Variants in AOPEP observed in about 807,000 individuals in gnomAD.
AOPEP encodes aminopeptidase O.
AOPEP carries 77 observed loss-of-function variants against 98.1 expected under a neutral mutation model. The ratio of observed to expected loss-of-function variants is 0.78; its 90% CI spans 0.65 to 0.95. The LOEUF (loss-of-function observed/expected upper bound fraction) is 0.95. Ranked by LOEUF, AOPEP falls within the 40% of genes least tolerant of loss-of-function variation. The pLI is 0.00. For synonymous variants in AOPEP, 346 were observed against 365.3 expected, an observed-to-expected ratio of 0.95 and a Z score of 0.60; for missense variants, 1,024 against 1,024.7, an observed-to-expected ratio of 1.00 and a Z score of 0.01.
intron 5 of AOPEP, chr9:94,810,014 G>C (rs1850134107): frequency 1.9e-5 from 3 of 155,970 alleles, no homozygotes; most frequent in Admixed American, 1.3e-4. Context: ...GTGTGGACTG[G>C]TATCACCCAG....
At chr9:95,009,256 G>T (rs1172687236) in intron 13 of AOPEP, among the ~76,000 whole-genome samples, 12 of 150,398 alleles carry the variant, frequency 8.0e-5, no homozygotes, top group African/African-American at 2.9e-4. Flanking sequence ...AAAATTGTGT[G>T]CCATCACAGA....
At chr9:95,103,366 G>A in the AOPEP span, among the ~76,000 whole-genome samples, 3 of 152,156 alleles carry the variant, frequency 2.0e-5, no homozygotes, top group Admixed American at 2.0e-4. Flanking sequence ...ACCAAGAGTG[G>A]GTTCAATTCA....
chr9:94,827,191 G>A (rs1287441223), intron 5 of AOPEP, among the ~76,000 whole-genome samples: 8 of 152,296 alleles, frequency 5.3e-5, no homozygotes, highest in African/African-American at 1.9e-4. Context: ...AGAGTCATTA[G>A]TAGAGAGATG....
At chr9:94,739,612 C>G (rs1587976665) in intron 1 of AOPEP, among the ~76,000 whole-genome samples, 1 of 150,756 alleles carries the variant, frequency 6.6e-6, no homozygotes, top group Non-Finnish European at 1.5e-5. Context: ...CCATTGCACT[C>G]CAGCCTGGGG....
At chr9:94,843,115 T>G (rs2134890520) in intron 5 of AOPEP, among the ~76,000 whole-genome samples, 1 of 152,352 alleles carries the variant, frequency 6.6e-6, no homozygotes, top group African/African-American at 2.4e-5. Flanking sequence ...TCTGGGACTC[T>G]AACGACACAA....
intron 10 of AOPEP, among the ~76,000 whole-genome samples, chr9:94,971,393 T>C (rs2059526731): frequency 6.6e-6 from 1 of 152,200 alleles, no homozygotes; most frequent in African/African-American, 2.4e-5. Context: ...GAATATATTT[T>C]GAAATTCAAA....
At chr9:94,933,052 C>T (rs2055630118) in intron 7 of AOPEP, 47 of 985,150 alleles carry the variant, frequency 4.8e-5, no homozygotes, top group Non-Finnish European at 5.5e-5. Flanking sequence ...CTCTCCCAGA[C>T]TCTTCATCTC....
chr9:94,959,500 C>T (rs369969974), intron 9 of AOPEP, among the ~76,000 whole-genome samples: 1 of 152,264 alleles, frequency 6.6e-6, no homozygotes, highest in African/African-American at 2.4e-5. Flanking sequence ...GCATTCACTT[C>T]TGGACTCCCA....
At chr9:95,143,703 T>C in the AOPEP span, among the ~76,000 whole-genome samples, 4 of 152,186 alleles carry the variant, frequency 2.6e-5, no homozygotes, top group Non-Finnish European at 4.4e-5. Flanking sequence ...TCAGTATTTT[T>C]GAAGCAGTGG....
At chr9:95,008,731 G>C (rs1394690242) in intron 13 of AOPEP, among the ~76,000 whole-genome samples, 1 of 152,146 alleles carries the variant, frequency 6.6e-6, no homozygotes. Flanking sequence ...CCACCCACCA[G>C]AGAATTGTGC....
chr9:94,741,053 T>A (rs1832952456), intron 1 of AOPEP, among the ~76,000 whole-genome samples: 1 of 151,778 alleles, frequency 6.6e-6, no homozygotes, highest in Admixed American at 6.6e-5. Context: ...AGAGAGTGAG[T>A]GAGAAAGTGT....
chr9:94,793,402 G>A (rs1296396933), intron 4 of AOPEP, among the ~76,000 whole-genome samples: 1 of 148,762 alleles, frequency 6.7e-6, no homozygotes, highest in Non-Finnish European at 1.5e-5. Context: ...AAGAGAGGCT[G>A]GGCGTGGTGG....
the AOPEP span, chr9:95,110,177 G>A: frequency 6.7e-6 from 6 of 894,410 alleles, no homozygotes; most frequent in East Asian, 5.1e-4. Flanking sequence ...TCATAAAAAA[G>A]GACCAAGTTA....
intron 13 of AOPEP, among the ~76,000 whole-genome samples, chr9:95,053,690 A>G (rs1029941117): frequency 5.0e-5 from 7 of 139,474 alleles, no homozygotes; most frequent in Admixed American, 3.0e-4. Context: ...TAATTTAGGT[A>G]AGAGCATTAA....
intron 1 of AOPEP, among the ~76,000 whole-genome samples, chr9:94,732,453 A>G (rs1175936055): frequency 6.6e-6 from 1 of 152,216 alleles, no homozygotes; most frequent in Non-Finnish European, 1.5e-5. Context: ...TTGGAGTTTT[A>G]ACTTGATTCT....
intron 5 of AOPEP, among the ~76,000 whole-genome samples, chr9:94,869,892 A>G (rs2046126114): frequency 6.7e-6 from 1 of 149,268 alleles, no homozygotes; most frequent in East Asian, 2.0e-4. Flanking sequence ...TATCAAATTG[A>G]TTTCTCCCCT....
chr9:95,111,415 GC>G, the AOPEP span: 2 of 1,599,750 alleles, frequency 1.3e-6, no homozygotes, highest in Non-Finnish European at 8.5e-7. Context: ...GCTCCTCTCA[GC>G]CCCCCAGAGC....
chr9:95,105,303 G>A, the AOPEP span, among the ~76,000 whole-genome samples: 5 of 152,200 alleles, frequency 3.3e-5, no homozygotes, highest in East Asian at 1.9e-4. Context: ...AGTCAGGCCC[G>A]GCCTGGACGG....
chr9:94,920,278 G>A (rs781196824), intron 5 of AOPEP: 1 of 153,622 alleles, frequency 6.5e-6, no homozygotes, highest in Non-Finnish European at 1.4e-5. Context: ...AGCTGAGATC[G>A]TGCCATTGCA....
Sources: allele counts gnomAD v4.1 joint callset (sites outside exome capture counted in the v4.1 genomes callset), GRCh38; gene constraint gnomAD v4.1.1; transcripts MANE v1.5; gene names NCBI Gene and HGNC (gene_info 2026-07-23, HGNC 2026-07-21).